The following SCARA5 variants were observed in gnomAD, a reference collection of about 807,000 sequenced individuals.
SCARA5 encodes the protein scavenger receptor class A, member 5 (putative).
Under a neutral mutation model 46.3 loss-of-function variants are expected in SCARA5, and 45 were observed. The ratio of observed to expected loss-of-function variants is 0.97; its 90% CI spans 0.76 to 1.24. The LOEUF is 1.24. SCARA5 is among the 50% of genes most tolerant of loss of function. The pLI, the probability that SCARA5 is intolerant of heterozygous loss-of-function variation, is 0.00. For missense variants in SCARA5, 680 were observed against 689.0 expected, an observed-to-expected ratio of 0.99 and a Z score of 0.15; for synonymous variants, 333 against 306.5, an observed-to-expected ratio of 1.09 and a Z score of -0.90.
intron 3 of SCARA5, among the ~76,000 whole-genome samples, chr8:27,936,224 G>A (rs1807855250): frequency 6.6e-6 from 1 of 152,074 alleles, no homozygotes. Flanking sequence ...AGGGCAACAT[G>A]GTTGCCTACA....
chr8:27,907,635 T>C (rs1807288609), intron 5 of SCARA5, among the ~76,000 whole-genome samples: 1 of 145,942 alleles, frequency 6.9e-6, no homozygotes, highest in African/African-American at 2.6e-5. Context: ...AGTGGCACGA[T>C]CTCGGCTCAC....
At chr8:27,916,920 G>A (rs960528140) in intron 4 of SCARA5, among the ~76,000 whole-genome samples, 4 of 152,124 alleles carry the variant, frequency 2.6e-5, no homozygotes, top group Admixed American at 6.5e-5. Flanking sequence ...GAGAAGTGAT[G>A]AGTCAGGAGG....
intron 7 of SCARA5, among the ~76,000 whole-genome samples, chr8:27,898,510 G>A (rs935797470): frequency 6.6e-6 from 1 of 152,238 alleles, no homozygotes; most frequent in African/African-American, 2.4e-5. Flanking sequence ...ATAATAAGAA[G>A]TATTTGGTCT....
intron 2 of SCARA5, among the ~76,000 whole-genome samples, chr8:27,975,323 A>G (rs1433989787): frequency 6.6e-6 from 1 of 152,176 alleles, no homozygotes; most frequent in African/African-American, 2.4e-5. Flanking sequence ...TCATCTACAC[A>G]TCCTTTGTAA....
intron 3 of SCARA5, among the ~76,000 whole-genome samples, chr8:27,946,864 T>C (rs71519661): frequency 0.023 from 3,565 of 152,270 alleles, 71 homozygotes; most frequent in Non-Finnish European, 0.034. Context: ...CTCCCTGATT[T>C]CTGTTTTAGC....
At chr8:27,919,097 A>AGAAGGG (rs1807537971) in intron 4 of SCARA5, among the ~76,000 whole-genome samples, 1 of 53,580 alleles carries the variant, frequency 1.9e-5, no homozygotes, top group Non-Finnish European at 4.1e-5. Context: ...GGAGGAGGAG[A>AGAAGGG]AGGAAGAGGA....
At chr8:27,940,570 A>C (rs1205037747) in intron 3 of SCARA5, among the ~76,000 whole-genome samples, 1 of 151,782 alleles carries the variant, frequency 6.6e-6, no homozygotes, top group Non-Finnish European at 1.5e-5. Flanking sequence ...TACTATATCT[A>C]CTCTGCTGTA....
chr8:27,887,752 T>C (rs917775729), intron 7 of SCARA5, among the ~76,000 whole-genome samples: 1 of 152,218 alleles, frequency 6.6e-6, no homozygotes, highest in Non-Finnish European at 1.5e-5. Context: ...ACTTAGGGGC[T>C]GCTAGGCCCC....
chr8:27,891,572 C>T (rs952998919), intron 7 of SCARA5, among the ~76,000 whole-genome samples: 2 of 152,158 alleles, frequency 1.3e-5, no homozygotes, highest in Non-Finnish European at 1.5e-5. Flanking sequence ...AAAGTGCCTG[C>T]CTGAGAAAAT....
intron 3 of SCARA5, among the ~76,000 whole-genome samples, chr8:27,925,317 C>T (rs936741216): frequency 3.4e-4 from 52 of 152,196 alleles, no homozygotes; most frequent in Non-Finnish European, 6.0e-4. Context: ...AGAGCAGACG[C>T]CTCAGAAATA....
At chr8:27,907,998 G>C (rs913526086) in intron 5 of SCARA5, among the ~76,000 whole-genome samples, 6 of 152,134 alleles carry the variant, frequency 3.9e-5, no homozygotes, top group African/African-American at 1.4e-4. Flanking sequence ...TTAGACAAAT[G>C]AGCCAATCGG....
At chr8:27,953,259 A>T (rs908777296) in intron 3 of SCARA5, among the ~76,000 whole-genome samples, 1 of 152,240 alleles carries the variant, frequency 6.6e-6, no homozygotes. Flanking sequence ...GCACAGAGGC[A>T]TGGGTGGGTC....
intron 7 of SCARA5, chr8:27,903,841 C>T (rs1408980418): frequency 6.6e-6 from 1 of 152,202 alleles, no homozygotes; most frequent in Non-Finnish European, 1.5e-5. Flanking sequence ...TCCCCAGGCC[C>T]CATCCTCCCA....
intron 7 of SCARA5, among the ~76,000 whole-genome samples, chr8:27,890,728 G>C (rs897594710): frequency 6.6e-6 from 1 of 152,240 alleles, no homozygotes; most frequent in Non-Finnish European, 1.5e-5. Flanking sequence ...GCCACAGCTC[G>C]CTGTGCACAC....
At position 27,930,457 on chromosome 8, in the gene SCARA5, C is replaced by T. The variant is rs1024232215; in HGVS notation, c.242-8212G>A. ...CATTCTTGTTGCCCAGGCTGGAGTG[C>T]AATGGCGCGATCTCGGCTCACAGCA... On this transcript the variant is annotated intron_variant, in intron 3 of 8. Transcript: ENST00000354914. 1.4e-4 allele frequency among the ~76,000 whole-genome samples: 21 copies of T among 151,658 alleles called. 1 individual carries two copies. Among genetic ancestry groups the T allele is most frequent in the Admixed American group, 1.2e-3 (18 of 15,236 alleles).
At chr8:27,970,636 G>A (rs1808434200) in intron 2 of SCARA5, among the ~76,000 whole-genome samples, 1 of 152,186 alleles carries the variant, frequency 6.6e-6, no homozygotes, top group Non-Finnish European at 1.5e-5. Flanking sequence ...GCAGGGAGCA[G>A]CACCTCTGCT....
intron 3 of SCARA5, among the ~76,000 whole-genome samples, chr8:27,938,096 T>C (rs1807885839): frequency 1.3e-5 from 2 of 149,292 alleles, no homozygotes; most frequent in African/African-American, 4.9e-5. Flanking sequence ...CAAGCTGTGG[T>C]CTTGTCATTA....
intron 7 of SCARA5, among the ~76,000 whole-genome samples, chr8:27,891,565 G>A (rs564321351): frequency 6.6e-6 from 1 of 152,174 alleles, no homozygotes; most frequent in African/African-American, 2.4e-5. Flanking sequence ...CCCCCTTAAA[G>A]TGCCTGCCTG....
At chr8:27,949,201 G>A (rs1490166836) in intron 3 of SCARA5, among the ~76,000 whole-genome samples, 1 of 152,252 alleles carries the variant, frequency 6.6e-6, no homozygotes, top group East Asian at 1.9e-4. Flanking sequence ...TGGCTTTCCA[G>A]CTAATCTGTA....
Sources: gnomAD v4.1 joint callset for allele counts (sites outside exome capture counted in the v4.1 genomes callset) on GRCh38, gnomAD v4.1.1 for gene constraint, MANE v1.5 for transcripts, NCBI Gene and HGNC (gene_info 2026-07-23, HGNC 2026-07-21) for gene names.